Variants in EEA1 observed in about 807,000 individuals in gnomAD.
EEA1 encodes the protein early endosome antigen 1.
EEA1 carries 111 observed loss-of-function variants against 209.2 expected under a neutral mutation model. The observed-to-expected ratio is 0.53, with a 90% CI of 0.45 to 0.62. The LOEUF (loss-of-function observed/expected upper bound fraction) is 0.62. EEA1 is among the 20% of genes least tolerant of loss of function. The probability of loss-of-function intolerance (pLI) is 0.00; values close to 1 mark genes in which losing one functional copy is unlikely to be tolerated. For synonymous variants in EEA1, 536 were observed against 540.6 expected (o/e 0.99, Z 0.12); for missense variants, 1,343 against 1,530.8 (o/e 0.88, Z 2.05).
At chr12:92,889,883 C>T (rs1388791196) in intron 2 of EEA1, among the ~76,000 whole-genome samples, 2 of 152,098 alleles carry the variant, frequency 1.3e-5, no homozygotes, top group Admixed American at 1.3e-4. Context: ...CACTGCACTC[C>T]AGTCTGGGCA....
In EEA1 at chr12:92,819,361, C is replaced by T. The variant is rs1300723855; in HGVS notation, c.1675G>A (p.Glu559Lys). Reference protein sequence around the residue: ...LYAKIQAGEGETAVLNQLQEK... With the variant: ...LYAKIQAGEGKTAVLNQLQEK... ...TGTAACTGGTTAAGAACAGCAGTCT[C>T]TCCTTCACCAGCCTGAATTTTTGCA... Residue 559 changes from glutamate (E) to lysine (K), a missense_variant, in exon 14 of 29, where the codon GAG becomes AAG. By Grantham distance (56) the Glu-to-Lys change is moderately conservative. Coordinates refer to ENST00000322349, the MANE Select transcript of EEA1 (RefSeq NM_003566.4). 6.2e-7 allele frequency: 1 copy of T among 1,612,932 alleles called. No homozygotes were observed. The highest frequency in any genetic ancestry group is 2.2e-5 in the East Asian group (1 of 44,750).
At chr12:92,905,190 C>T (rs1880323369) in intron 1 of EEA1, among the ~76,000 whole-genome samples, 1 of 152,050 alleles carries the variant, frequency 6.6e-6, no homozygotes, top group Non-Finnish European at 1.5e-5. Flanking sequence ...GTTTTAGGAG[C>T]TCCATGCCAG....
chr12:92,919,640 A>T (rs990805835), intron 1 of EEA1, among the ~76,000 whole-genome samples: 1 of 145,368 alleles, frequency 6.9e-6, no homozygotes, highest in Admixed American at 7.0e-5. Flanking sequence ...AGCCAATATC[A>T]TACTGAATGG....
chr12:92,802,500 T>C lies in EEA1; in HGVS notation c.2574A>G (p.Val858=). ...CAGAAACTTTTGATAGTTTGTCCTT[T>C]ACTGTAGAAAGCTCTGTCATTAAAG... ...KEALMTELST[V]KDKLSKVSDS... Residue 858 remains valine, a synonymous_variant, in exon 19 of 29, where the codon GTA becomes GTG. Coordinates refer to ENST00000322349, the MANE Select transcript of EEA1 (RefSeq NM_003566.4). The C allele has an allele frequency of 1.9e-6, 3 of 1,590,902 alleles. No individual in the cohort carries two copies. The highest frequency in any genetic ancestry group is 2.6e-6 in the Non-Finnish European group (3 of 1,173,616).
At chr12:92,803,985 G>GT (rs199769493) in intron 18 of EEA1, among the ~76,000 whole-genome samples, 160 of 150,716 alleles carry the variant, frequency 1.1e-3, no homozygotes, top group African/African-American at 2.9e-3. Flanking sequence ...GACACTTCTT[G>GT]TTTTTTTTTA....
intron 9 of EEA1, among the ~76,000 whole-genome samples, chr12:92,845,700 T>C (rs1877363586): frequency 6.6e-6 from 1 of 152,190 alleles, no homozygotes; most frequent in African/African-American, 2.4e-5. Context: ...GCAGCCCTTA[T>C]TATTACCTAG....
intron 10 of EEA1, among the ~76,000 whole-genome samples, chr12:92,837,521 ATC>A (rs1405051868): frequency 1.3e-5 from 2 of 152,192 alleles, no homozygotes; most frequent in Middle Eastern, 3.2e-3. Context: ...ACCCAAAAAA[ATC>A]TCTGTCTCTT....
At chr12:92,854,248 T>C (rs1877764634) in intron 5 of EEA1, among the ~76,000 whole-genome samples, 1 of 152,166 alleles carries the variant, frequency 6.6e-6, no homozygotes, top group African/African-American at 2.4e-5. Flanking sequence ...AATAAATAAA[T>C]AGCACAATTA....
At chr12:92,834,250 A>G (rs543816717) in intron 10 of EEA1, among the ~76,000 whole-genome samples, 1 of 152,232 alleles carries the variant, frequency 6.6e-6, no homozygotes, top group South Asian at 2.1e-4. Context: ...TGATAAAAGT[A>G]TGTATAAGAG....
rs2077378327 is a variant in EEA1 at position 92,822,632 on chromosome 12, AC to A, written c.1525-3122del. 2.0e-5 allele frequency among the ~76,000 whole-genome samples: 3 copies of A among 152,012 alleles called. No individual in the cohort carries two copies. In the South Asian group the frequency reaches 6.2e-4, roughly 32 times the overall value. ...CTCTTCCTTGGGCTGCTCTTCTTCT[AC>A]CCAGTCATCACTTAAGGGGTGGTGT... On this transcript the variant is annotated intron_variant, in intron 13 of 28. Transcript: ENST00000322349.
intron 1 of EEA1, among the ~76,000 whole-genome samples, chr12:92,897,997 G>A (rs779880309): frequency 1.2e-4 from 18 of 152,080 alleles, no homozygotes; most frequent in East Asian, 3.9e-4. Context: ...TATGTGACTC[G>A]TTTTATTGCG....
intron 2 of EEA1, among the ~76,000 whole-genome samples, chr12:92,889,521 C>T (rs904288537): frequency 3.4e-5 from 5 of 148,714 alleles, no homozygotes; most frequent in Admixed American, 6.7e-5. Context: ...CAAGTGTTAA[C>T]GCTCTTTGCA....
rs1873462350 is a variant in EEA1 at position 92,772,250 on chromosome 12, TA to T, written c.*3760del. The T allele has an allele frequency of 6.6e-6, 1 of 151,932 alleles. No individual in the cohort carries two copies. Among genetic ancestry groups the T allele is most frequent in the African/African-American group, 2.4e-5 (1 of 41,422 alleles). The allele number at this position is 151,932 out of a possible 1,614,324, so 9.4% of individuals were successfully genotyped here. On this transcript the variant is annotated 3_prime_UTR_variant, in exon 29 of 29. Coordinates refer to ENST00000322349, the MANE Select transcript of EEA1 (RefSeq NM_003566.4). ...GCAGACACACAATGAAATAAGGGGTTAATTACATATTTTTTATATTTGTTTT... is the reference window on the plus strand; with the variant it reads ...GCAGACACACAATGAAATAAGGGGTTATTACATATTTTTTATATTTGTTTT...
At chr12:92,809,402 T>C (rs1227726026) in intron 17 of EEA1, among the ~76,000 whole-genome samples, 1 of 151,496 alleles carries the variant, frequency 6.6e-6, no homozygotes, top group East Asian at 1.9e-4. Context: ...AAATTAATTC[T>C]GGGCTGGGCG....
At chr12:92,858,645 C>T (rs1451424702) in intron 3 of EEA1, 2 of 736,094 alleles carry the variant, frequency 2.7e-6, no homozygotes, top group Non-Finnish European at 5.1e-6. Context: ...TTACTGTGCA[C>T]TATATGCAGG....
intron 11 of EEA1, among the ~76,000 whole-genome samples, chr12:92,831,066 G>A (rs1003749268): frequency 7.2e-5 from 11 of 152,114 alleles, no homozygotes; most frequent in Non-Finnish European, 1.5e-4. Context: ...CATATGTGAA[G>A]TGCTTACTCT....
intron 9 of EEA1, among the ~76,000 whole-genome samples, chr12:92,849,773 T>C (rs1877534262): frequency 6.6e-6 from 1 of 152,192 alleles, no homozygotes; most frequent in Non-Finnish European, 1.5e-5. Flanking sequence ...TGATGACATG[T>C]TATATTTGTG....
intron 22 of EEA1, 55 bp downstream of exon 22, chr12:92,787,812 A>C: frequency 1.5e-6 from 2 of 1,315,506 alleles, no homozygotes; most frequent in Non-Finnish European, 2.0e-6. Context: ...TAGATCATTT[A>C]ATAAATGTCT....
In EEA1 at chr12:92,799,537, A is replaced by T. The variant is rs138774320; in HGVS notation, c.2773-451T>A. ...CACGGTGGCTCACACCTGTAATCCC[A>T]GCACTTTGGGAGGCTGAGGCGGGAG... On this transcript the variant is annotated intron_variant, in intron 20 of 28. Coordinates refer to ENST00000322349, the MANE Select transcript of EEA1 (RefSeq NM_003566.4). Among the ~76,000 whole-genome samples, 136 of 152,330 alleles carry T rather than the reference A, an allele frequency of 8.9e-4. 1 individual carries two copies. In the East Asian group the frequency reaches 0.022, roughly 24 times the overall value.
Sources: allele counts gnomAD v4.1 joint callset (sites outside exome capture counted in the v4.1 genomes callset), GRCh38; gene constraint gnomAD v4.1.1; transcripts MANE v1.5; gene names NCBI Gene and HGNC (gene_info 2026-07-23, HGNC 2026-07-21).